Variants in SH3PXD2B observed in about 807,000 individuals in gnomAD.
SH3PXD2B encodes the protein SH3 and PX domain-containing protein 2B.
SH3PXD2B carries 37 observed loss-of-function variants against 73.1 expected under a neutral mutation model. That is an observed-to-expected ratio of 0.51 (90% confidence interval 0.39 to 0.67). SH3PXD2B has a LOEUF of 0.67. SH3PXD2B is among the 30% of genes least tolerant of loss of function. SH3PXD2B has a pLI of 0.00. For missense variants in SH3PXD2B, 1,053 were observed against 1,197.8 expected, an observed-to-expected ratio of 0.88 and a Z score of 1.78; for synonymous variants, 457 against 480.5, an observed-to-expected ratio of 0.95 and a Z score of 0.64.
At chr5:172,380,935 G>A (rs530024966) in intron 5 of SH3PXD2B, among the ~76,000 whole-genome samples, 4 of 152,306 alleles carry the variant, frequency 2.6e-5, no homozygotes, top group African/African-American at 9.6e-5. Flanking sequence ...TGGTGTACTC[G>A]GAAGTCTGTG....
At chr5:172,368,393 A>G (rs1757573006) in intron 6 of SH3PXD2B, among the ~76,000 whole-genome samples, 1 of 141,866 alleles carries the variant, frequency 7.0e-6, no homozygotes, top group Non-Finnish European at 1.5e-5. Flanking sequence ...TGCTATATTC[A>G]TACTGCCTAA....
chr5:172,417,238 C>A (rs1418426655), intron 2 of SH3PXD2B, among the ~76,000 whole-genome samples: 1 of 152,176 alleles, frequency 6.6e-6, no homozygotes, highest in African/African-American at 2.4e-5. Context: ...CCAGGTTGGT[C>A]CCGAATAGCC....
At chr5:172,332,837 G>T (rs564932969), downstream of SH3PXD2B, among the ~76,000 whole-genome samples, 6 of 152,052 alleles carry the variant, frequency 3.9e-5, no homozygotes, top group African/African-American at 1.4e-4. Flanking sequence ...GTAGTAAAAC[G>T]TTAGGCAGTG....
intron 11 of SH3PXD2B, 126 bp downstream of exon 11, chr5:172,347,157 A>T: frequency 2.1e-6 from 2 of 947,328 alleles, no homozygotes; most frequent in Non-Finnish European, 3.3e-6. Flanking sequence ...AGCCTGCTTC[A>T]CAAGGCTGTT....
At position 172,334,146 on chromosome 5, in the gene SH3PXD2B, G is replaced by A; in HGVS notation, c.*4223C>T. ...GAGTCGAGGATAGAAACGGGAAGAT[G>A]GAATGTTGAAACATGAGGAGGAGCT... On this transcript the variant is annotated 3_prime_UTR_variant, in exon 13 of 13. Coordinates refer to ENST00000311601, the MANE Select transcript of SH3PXD2B (RefSeq NM_001017995.3). 1.8e-6 allele frequency: 2 copies of A among 1,115,708 alleles called. No homozygotes were observed. The highest frequency in any genetic ancestry group is 9.3e-5 in the East Asian group (1 of 10,716). 69.1% of individuals were successfully genotyped at this position (1,115,708 alleles called of 1,614,324 possible).
intron 5 of SH3PXD2B, among the ~76,000 whole-genome samples, chr5:172,378,089 C>G (rs905825446): frequency 6.6e-6 from 1 of 152,196 alleles, no homozygotes; most frequent in Non-Finnish European, 1.5e-5. Context: ...CACCATGCAG[C>G]CTCCGGGACT....
downstream of SH3PXD2B, among the ~76,000 whole-genome samples, chr5:172,328,871 T>C (rs1756494243): frequency 6.6e-6 from 1 of 151,836 alleles, no homozygotes; most frequent in Non-Finnish European, 1.5e-5. Flanking sequence ...AGCCTTACTG[T>C]GATTGCAGCT....
chr5:172,330,419 AT>A (rs1362774505), downstream of SH3PXD2B, among the ~76,000 whole-genome samples: 2 of 152,100 alleles, frequency 1.3e-5, no homozygotes, highest in Non-Finnish European at 2.9e-5. Flanking sequence ...AAAATTGGAC[AT>A]TTTCCAGAGT....
At chr5:172,401,581 T>A (rs1378598177) in intron 3 of SH3PXD2B, among the ~76,000 whole-genome samples, 1 of 152,140 alleles carries the variant, frequency 6.6e-6, no homozygotes, top group Admixed American at 6.5e-5. Context: ...CCATGGCACA[T>A]TTATATAAAA....
intron 3 of SH3PXD2B, 42 bp from the exon 4 acceptor site, chr5:172,394,681 G>C: frequency 1.2e-6 from 2 of 1,606,486 alleles, no homozygotes; most frequent in Non-Finnish European, 1.7e-6. Context: ...CAGGGAACAG[G>C]GACAAGCTCT....
Position 172,335,897 on chromosome 5 carries a change from C to A in SH3PXD2B, c.*2472G>T. ...AACAGAGAGGACTGTGGCTTCAGTA[C>A]CCGCGGGTCATGTCAGAATAATCAT... is the stretch of plus-strand genomic sequence containing the variant. On this transcript the variant is annotated 3_prime_UTR_variant, in exon 13 of 13. Coordinates refer to ENST00000311601, the MANE Select transcript of SH3PXD2B (RefSeq NM_001017995.3). 2 of 1,213,520 alleles carry A rather than the reference C, an allele frequency of 1.6e-6. No homozygotes were observed. Among genetic ancestry groups the A allele is most frequent in the Non-Finnish European group, 2.0e-6 (2 of 976,940 alleles). The allele number at this position is 1,213,520 out of a possible 1,614,324, so 75.2% of individuals were successfully genotyped here.
Position 172,368,568 on chromosome 5 carries a change from A to ATAT in SH3PXD2B, c.427+5221_427+5222insATA, listed in dbSNP as rs1757605348. Among the ~76,000 whole-genome samples, 5 of 19,162 alleles carry ATAT rather than the reference A, an allele frequency of 2.6e-4. 1 individual carries two copies. The highest frequency in any genetic ancestry group is 8.9e-4 in the African/African-American group (2 of 2,240). The allele number at this position is 19,162 out of a possible 152,430, so 12.6% of individuals were successfully genotyped here. On this transcript the variant is annotated intron_variant, in intron 6 of 12. Transcript: ENST00000311601. ...ATATATATATATTATATATATATAA[A>ATAT]ATATGTTATATATATATATAAAATA...
rs1278511262 is a variant in SH3PXD2B at position 172,350,446 on chromosome 5, A to C, written c.929T>G (p.Val310Gly). 1 of 1,613,962 alleles carries C rather than the reference A, an allele frequency of 6.2e-7. No individual in the cohort carries two copies. The highest frequency in any genetic ancestry group is 1.7e-5 in the Admixed American group (1 of 60,004). Residue 310 changes from valine to glycine, a missense_variant, in exon 10 of 13, where the codon GTG (valine) becomes GGG (glycine). By Grantham distance (109) the Val-to-Gly change is moderately radical. Around this residue, in one of 2 missense-constraint regions of SH3PXD2B, gnomAD observed 466 missense variants for 607.1 expected, o/e 0.77. Transcript: ENST00000311601. ...LDGVSRQQNAVGREKELLSSQ... is the reference protein window; with the variant it reads ...LDGVSRQQNAGGREKELLSSQ... The stretch of plus-strand genomic sequence containing the variant: ...GCTGAGCAGCTCCTTCTCCCTGCCC[A>C]CCGCGTTCTGCTGCCGGGAAACACC...
chr5:172,413,219 G>T (rs534528771), intron 2 of SH3PXD2B, among the ~76,000 whole-genome samples: 61 of 152,358 alleles, frequency 4.0e-4, no homozygotes, highest in African/African-American at 1.3e-3. Flanking sequence ...CTGGGGCAGG[G>T]CTTTCAGGGC....
At chr5:172,351,023 G>A (rs1047461502) in intron 9 of SH3PXD2B, among the ~76,000 whole-genome samples, 13 of 152,348 alleles carry the variant, frequency 8.5e-5, no homozygotes, top group Admixed American at 6.5e-4. Context: ...GGCTCGCCAA[G>A]TGGCAGCTGG....
At position 172,334,308 on chromosome 5, in the gene SH3PXD2B, C is replaced by G; in HGVS notation, c.*4061G>C. On this transcript the variant is annotated 3_prime_UTR_variant, in exon 13 of 13. Transcript: ENST00000311601. ...AGCCTCCGGTTCCAGCTCTGCAGCT[C>G]TGCCTGGGACCCTCGTGGAAACTTA... 2 of 996,958 alleles carry G rather than the reference C, an allele frequency of 2.0e-6. No homozygotes were observed. Among genetic ancestry groups the G allele is most frequent in the Non-Finnish European group, 2.4e-6 (2 of 838,798 alleles). 61.8% of individuals were successfully genotyped at this position (996,958 alleles called of 1,614,324 possible). A position where few individuals can be genotyped will look rare whatever the true frequency, so the allele number is the denominator to read the frequency against.
rs1039344303 is a variant in SH3PXD2B, at chr5:172,338,879, G to A, written c.2226C>T (p.Ser742=). The A allele has an allele frequency of 1.5e-5, 24 of 1,612,344 alleles. No individual in the cohort carries two copies. The highest frequency in any genetic ancestry group is 2.0e-5 in the Non-Finnish European group (24 of 1,178,628). Residue 742 remains serine, a synonymous_variant, in exon 13 of 13, where the codon AGC becomes AGT. Coordinates refer to ENST00000311601, the MANE Select transcript of SH3PXD2B (RefSeq NM_001017995.3). The surrounding 1 kb of genome is among the most constrained non-coding windows in gnomAD (Gnocchi z 5.1). ...GAGCCTCTTGGAGAGGAACAGGCAC[G>A]CTCTTAGACACAGGATCTGTGGTCT... ...PAKTTDPVSK[S]VPVPLQEAPQ...
chr5:172,443,230 A>G (rs1340282067), intron 1 of SH3PXD2B, among the ~76,000 whole-genome samples: 1 of 152,254 alleles, frequency 6.6e-6, no homozygotes, highest in Non-Finnish European at 1.5e-5. Context: ...ACGACTGTCA[A>G]GTAAGATGAA....
chr5:172,444,513 C>T (rs1010672866), intron 1 of SH3PXD2B, among the ~76,000 whole-genome samples: 4 of 152,286 alleles, frequency 2.6e-5, no homozygotes, highest in South Asian at 2.1e-4. Context: ...ACATAGTAAG[C>T]GCTTAGACAA....
Sources: allele counts gnomAD v4.1 joint callset (sites outside exome capture counted in the v4.1 genomes callset), GRCh38; gene constraint gnomAD v4.1.1; regional missense constraint gnomAD v4.1.1; non-coding constraint Gnocchi (gnomAD v3.1); transcripts MANE v1.5; gene names NCBI Gene and HGNC (gene_info 2026-07-23, HGNC 2026-07-21).